Variants in CACNA1E observed in about 807,000 individuals in gnomAD.
CACNA1E encodes calcium voltage-gated channel subunit alpha1 E.
A neutral mutation model predicts 259.2 loss-of-function variants in CACNA1E; 40 were observed. The observed-to-expected ratio is 0.15, with a 90% confidence interval of 0.12 to 0.20. The LOEUF is 0.20. Among genes scored for constraint, CACNA1E ranks in the 10% least tolerant of loss-of-function variants. The pLI is 1.00. For synonymous variants in CACNA1E, 1,104 were observed against 1,138.5 expected (o/e 0.97, Z 0.61); for missense variants, 1,874 against 3,040.1 (o/e 0.62, Z 9.02).
chr1:181,424,039 A>G (rs1005209261), intron 2 of CACNA1E, among the ~76,000 whole-genome samples: 4 of 152,190 alleles, frequency 2.6e-5, no homozygotes, highest in Non-Finnish European at 5.9e-5. Flanking sequence ...CTTCTCACTC[A>G]GAGACGAGGC....
intron 46 of CACNA1E, 93 bp from the exon 47 acceptor site, chr1:181,796,575 A>G (rs1661824957): frequency 6.3e-6 from 6 of 949,738 alleles, no homozygotes; most frequent in Non-Finnish European, 9.2e-6. Flanking sequence ...GCCCAACCCC[A>G]GGCTGTGATG....
chr1:181,790,566 T>C lies in CACNA1E; in HGVS notation c.5898+10T>C, dbSNP rs375791346. ...AGAACGGCAGTCTCTGGTGAATGCA[T>C]GAGTTATATGACCTCAAAACTACTT... is the stretch of plus-strand genomic sequence containing the variant. On this transcript the variant is annotated intron_variant, in intron 44 of 47. Transcript: ENST00000367573. 90 of 1,465,292 alleles carry C rather than the reference T, an allele frequency of 6.1e-5. No homozygotes were observed. In the African/African-American group the frequency reaches 1.2e-3, roughly 20 times the overall value. The allele number at this position is 1,465,292 out of a possible 1,614,324, so 90.8% of individuals were successfully genotyped here. A position where few individuals can be genotyped will look rare whatever the true frequency, so the allele number is the denominator to read the frequency against.
At chr1:181,487,184 C>T in intron 1 of CACNA1E, among the ~76,000 whole-genome samples, 1 of 152,176 alleles carries the variant, frequency 6.6e-6, no homozygotes, top group East Asian at 1.9e-4. Context: ...CAGAAAGTCA[C>T]TGTAGGACGA....
At chr1:181,795,444 A>ATT (rs11306687) in intron 46 of CACNA1E, among the ~76,000 whole-genome samples, 6 of 146,888 alleles carry the variant, frequency 4.1e-5, no homozygotes, top group Non-Finnish European at 3.0e-5. Flanking sequence ...CTGTGTTTGA[A>ATT]TTTTTTTTTT....
chr1:181,560,029 T>C (rs1572210409), intron 3 of CACNA1E, among the ~76,000 whole-genome samples: 1 of 146,216 alleles, frequency 6.8e-6, no homozygotes, highest in Admixed American at 6.8e-5. Context: ...GGAAGAGCTA[T>C]TTTTTTTTTC....
intron 3 of CACNA1E, among the ~76,000 whole-genome samples, chr1:181,516,695 A>G (rs1350936174): frequency 6.6e-6 from 1 of 152,204 alleles, no homozygotes. Context: ...CAAATGGAGA[A>G]AAGTGTGTTA....
rs1285893573 is a variant in CACNA1E at position 181,717,316 on chromosome 1, C to T, written c.1525+14C>T. 3 of 1,606,470 alleles carry T rather than the reference C, an allele frequency of 1.9e-6. No individual in the cohort carries two copies. The South Asian group carries it at 3.3e-5, about 18-fold the overall frequency. On this transcript the variant is annotated intron_variant, in intron 11 of 47. Coordinates refer to ENST00000367573, the MANE Select transcript of CACNA1E (RefSeq NM_001205293.3). ...CCCACCTCCTCTGTAAGTAAAGCCT[C>T]TCTCTAAAGCCTCCTCTGCTGGTCC... is the stretch of plus-strand genomic sequence containing the variant.
chr1:181,623,719 T>C (rs1655935542), intron 6 of CACNA1E, among the ~76,000 whole-genome samples: 1 of 152,160 alleles, frequency 6.6e-6, no homozygotes, highest in African/African-American at 2.4e-5. Flanking sequence ...TAACATCGTG[T>C]CAAAAAAACA....
At chr1:181,513,802 A>G (rs1445763181) in intron 3 of CACNA1E, among the ~76,000 whole-genome samples, 2 of 152,202 alleles carry the variant, frequency 1.3e-5, no homozygotes, top group African/African-American at 4.8e-5. Context: ...GGGGTGTTCA[A>G]GAGTCAGTGC....
In CACNA1E at chr1:181,613,728, T is replaced by A. The variant is rs960089115; in HGVS notation, c.951+32952T>A. Among the ~76,000 whole-genome samples the A allele has an allele frequency of 7.2e-5, 11 of 152,332 alleles. No individual in the cohort carries two copies. The South Asian group carries it at 2.3e-3, about 32-fold the overall frequency. ...AGAGTTAGCCTATTCCTTCCAGCCT[T>A]AAATCCTGGTGCTCACTTCTCTCCC... On this transcript the variant is annotated intron_variant, in intron 6 of 47. Coordinates refer to ENST00000367573, the MANE Select transcript of CACNA1E (RefSeq NM_001205293.3).
rs527968030 is a variant in CACNA1E, at chr1:181,613,544, A to G, written c.951+32768A>G. On this transcript the variant is annotated intron_variant, in intron 6 of 47. Transcript: ENST00000367573. ...CATTTTCACATTGAGTAGGCTGAGG[A>G]GGAGGAGGTTCTTGTTGTCCAGGCC... Among the ~76,000 whole-genome samples the G allele has an allele frequency of 2.3e-4, 35 of 152,280 alleles. 1 individual carries two copies. Among genetic ancestry groups the G allele is most frequent in the Admixed American group, 2.2e-3 (34 of 15,290 alleles).
At chr1:181,417,669 TCTCACA>T (rs1490989056) in intron 2 of CACNA1E, among the ~76,000 whole-genome samples, 1 of 152,184 alleles carries the variant, frequency 6.6e-6, no homozygotes, top group African/African-American at 2.4e-5. Flanking sequence ...TTCTATTCAC[TCTCACA>T]CTCCTCTAGA....
chr1:181,649,143 A>C (rs773658663), intron 6 of CACNA1E, among the ~76,000 whole-genome samples: 1 of 152,212 alleles, frequency 6.6e-6, no homozygotes, highest in Non-Finnish European at 1.5e-5. Context: ...CTTGGCATCT[A>C]GTTCCTTTGG....
chr1:181,627,503 G>T (rs577296702), intron 6 of CACNA1E, among the ~76,000 whole-genome samples: 2 of 152,288 alleles, frequency 1.3e-5, no homozygotes, highest in Non-Finnish European at 2.9e-5. Flanking sequence ...CCAGACTGTT[G>T]TGTCATGGTG....
At chr1:181,368,930 TA>T (rs1225936143) in intron 1 of CACNA1E, among the ~76,000 whole-genome samples, 9 of 152,272 alleles carry the variant, frequency 5.9e-5, no homozygotes, top group Non-Finnish European at 1.2e-4. Context: ...CTTCAGTAGG[TA>T]AAGATGATAT....
intron 1 of CACNA1E, among the ~76,000 whole-genome samples, chr1:181,489,278 C>T (rs947901894): frequency 4.6e-5 from 7 of 151,924 alleles, no homozygotes; most frequent in South Asian, 2.1e-4. Flanking sequence ...TCTTTCTGCC[C>T]GTCTTTTCAT....
intron 6 of CACNA1E, among the ~76,000 whole-genome samples, chr1:181,607,885 A>T (rs1403375070): frequency 6.6e-6 from 1 of 152,140 alleles, no homozygotes; most frequent in Admixed American, 6.5e-5. Context: ...GGTTTTGAAG[A>T]GGGTTTAGTA....
Position 181,484,508 on chromosome 1 carries a change from A to T in CACNA1E, c.266+498A>T, listed in dbSNP as rs1380193237. 4.6e-5 allele frequency among the ~76,000 whole-genome samples: 7 copies of T among 152,358 alleles called. No individual in the cohort carries two copies. The East Asian group carries it at 1.3e-3, about 29-fold the overall frequency. On this transcript the variant is annotated intron_variant, in intron 1 of 47. Transcript: ENST00000367573. ...TCAGTTCAGAAGTTCCCAGGGCCAAAACCCTGTGTACAGATAGACAAATGA... is the reference window on the plus strand; with the variant it reads ...TCAGTTCAGAAGTTCCCAGGGCCAATACCCTGTGTACAGATAGACAAATGA...
Position 181,772,211 on chromosome 1 carries a change from ATCT to A in CACNA1E, c.5126_5128del (p.Phe1709del). On this transcript the variant is annotated inframe_deletion, in exon 37 of 48. Transcript: ENST00000367573. ...GGCCTACGTGTACTTTGTCTCCTTCATCTTCTTCTGCTCCTTCTTGGTGAGCAA... is the reference window on the plus strand; with the variant it reads ...GGCCTACGTGTACTTTGTCTCCTTCATCTTCTGCTCCTTCTTGGTGAGCAA... 6.2e-7 allele frequency: 1 copy of A among 1,613,542 alleles called. No individual in the cohort carries two copies. The highest frequency in any genetic ancestry group is 2.2e-5 in the East Asian group (1 of 44,874).
Sources: gnomAD v4.1 joint callset for allele counts (sites outside exome capture counted in the v4.1 genomes callset) on GRCh38, gnomAD v4.1.1 for gene constraint, MANE v1.5 for transcripts, NCBI Gene and HGNC (gene_info 2026-07-23, HGNC 2026-07-21) for gene names.